TET2: variants seen among roughly 807,000 people sequenced by gnomAD.
The protein encoded by TET2 is methylcytosine dioxygenase TET2.
TET2 carries 299 observed loss-of-function variants against 142.9 expected under a neutral mutation model. The observed-to-expected ratio is 2.09, with a 90% CI of 1.90 to 2.30. TET2 has a LOEUF of 2.30. Among genes scored for constraint, TET2 ranks in the 30% most tolerant of loss-of-function variants. The pLI is 0.00. For missense variants in TET2, 2,418 were observed against 2,378.0 expected, an observed-to-expected ratio of 1.02 and a Z score of -0.35; for synonymous variants, 819 against 849.0, an observed-to-expected ratio of 0.96 and a Z score of 0.61.
intron 6 of TET2, among the ~76,000 whole-genome samples, chr4:105,256,632 T>A (rs1157847141): frequency 6.6e-6 from 1 of 152,218 alleles, no homozygotes; most frequent in African/African-American, 2.4e-5. Flanking sequence ...AGATTGATGT[T>A]GTTCATCAAA....
At position 105,278,696 on chromosome 4, in the gene TET2, G is replaced by C. The variant is rs181411622; in HGVS notation, c.*2177G>C. ...TATTGTAAAGAAAAGCATTTTAAAAGTTTGAGGAATCTTTTGACTGTTTCA... is the reference window on the plus strand; with the variant it reads ...TATTGTAAAGAAAAGCATTTTAAAACTTTGAGGAATCTTTTGACTGTTTCA... On this transcript the variant is annotated 3_prime_UTR_variant, in exon 11 of 11. Coordinates refer to ENST00000380013, the MANE Select transcript of TET2 (RefSeq NM_001127208.3). 2.7e-4 allele frequency: 62 copies of C among 232,576 alleles called. 2 individuals carry two copies. In the East Asian group the frequency reaches 3.2e-3, roughly 12 times the overall value. 14.4% of individuals were successfully genotyped at this position (232,576 alleles called of 1,614,324 possible).
chr4:105,269,709 C>G lies in TET2; in HGVS notation c.4144C>G (p.His1382Asp), dbSNP rs1446837215. Residue 1382 changes from histidine to aspartate, a missense_variant, in exon 9 of 11, where the codon CAC becomes GAC. Physicochemically the swap from His to Asp is moderately conservative, Grantham distance 81. Transcript: ENST00000380013. ...TACLDFCAHAHRDLHNMQNGS... is the reference protein window; with the variant it reads ...TACLDFCAHADRDLHNMQNGS... The stretch of plus-strand genomic sequence containing the variant: ...ATGTTTGGACTTCTGTGCTCATGCC[C>G]ACAGAGACTTGCACAACATGCAGAA... The G allele has an allele frequency of 6.4e-7, 1 of 1,551,598 alleles. No individual in the cohort carries two copies. Among genetic ancestry groups the G allele is most frequent in the Non-Finnish European group, 8.7e-7 (1 of 1,146,930 alleles).
In TET2 at chr4:105,275,171, C is replaced by CA. The variant is rs1292189982; in HGVS notation, c.4662dup (p.Glu1555ArgfsTer23). ...CAGCAGCAGCCACATCACCCTCAGA[C>CA]AGAGTCTGTCAACTCTTATTCTGCT... On this transcript the variant is annotated frameshift_variant, in exon 11 of 11. Coordinates refer to ENST00000380013, the MANE Select transcript of TET2 (RefSeq NM_001127208.3). LOFTEE classifies it low-confidence loss of function (END_TRUNC). 4 of 1,552,128 alleles carry CA rather than the reference C, an allele frequency of 2.6e-6. No homozygotes were observed. The highest frequency in any genetic ancestry group is 2.6e-6 in the Non-Finnish European group (3 of 1,147,102).
intron 2 of TET2, among the ~76,000 whole-genome samples, chr4:105,204,268 CATACAT>C (rs140449169): frequency 0.028 from 3,475 of 124,534 alleles, 103 homozygotes; most frequent in African/African-American, 0.086. Context: ...CACACACACA[CATACAT>C]ACATACATTA....
At chr4:105,215,190 G>A (rs1727420959) in intron 2 of TET2, among the ~76,000 whole-genome samples, 1 of 152,050 alleles carries the variant, frequency 6.6e-6, no homozygotes, top group Admixed American at 6.6e-5. Context: ...ATTTTGGAGA[G>A]GTTTTTTCCT....
chr4:105,258,403 T>C (rs1730250016), intron 6 of TET2, among the ~76,000 whole-genome samples: 1 of 152,140 alleles, frequency 6.6e-6, no homozygotes, highest in African/African-American at 2.4e-5. Context: ...TTTAATATAG[T>C]TTGTAAGAAT....
At chr4:105,237,900 A>C (rs1015942075) in intron 3 of TET2, 79 of 1,037,616 alleles carry the variant, frequency 7.6e-5, no homozygotes, top group Non-Finnish European at 9.0e-5. Flanking sequence ...CCATTTATAC[A>C]TTTGGAATGT....
At chr4:105,202,501 T>G (rs1726545878) in intron 2 of TET2, 1 of 152,174 alleles carries the variant, frequency 6.6e-6, no homozygotes, top group Non-Finnish European at 1.5e-5. Context: ...CGCAAATTTA[T>G]TTTTTGATCT....
chr4:105,217,055 G>T, intron 2 of TET2, among the ~76,000 whole-genome samples: 1 of 151,670 alleles, frequency 6.6e-6, no homozygotes, highest in African/African-American at 2.4e-5. Context: ...TTCTTTCTTT[G>T]TTCTTGCCCC....
Position 105,269,746 on chromosome 4 carries a change from T to A in TET2, c.4181T>A (p.Leu1394Ter), listed in dbSNP as rs2110301162. ...CACAACATGCAGAATGGCAGCACAT[T>A]GGTAAGTTGGGCTGAGGACAGCTTA... ...DLHNMQNGST[L>*]VCTLTREDNR... The change falls in exon 9 of 11, where the codon TTG becomes TAG. Residue 1394 changes from leucine (L) to a stop codon, truncating the protein, a stop_gained and splice_region_variant. Coordinates refer to ENST00000380013, the MANE Select transcript of TET2 (RefSeq NM_001127208.3). LOFTEE classifies it high-confidence loss of function. 6.4e-7 allele frequency: 1 copy of A among 1,551,504 alleles called. No homozygotes were observed. The highest frequency in any genetic ancestry group is 8.7e-7 in the Non-Finnish European group (1 of 1,146,888).
chr4:105,221,529 CTG>C (rs1727817858), intron 2 of TET2, among the ~76,000 whole-genome samples: 5 of 152,030 alleles, frequency 3.3e-5, no homozygotes, highest in Non-Finnish European at 7.4e-5. Flanking sequence ...ATAGGCCCTA[CTG>C]AGGATTATGA....
Position 105,236,520 on chromosome 4 carries a change from C to T in TET2, c.2578C>T (p.Gln860Ter). The T allele has an allele frequency of 6.2e-7, 1 of 1,614,054 alleles. No homozygotes were observed. The highest frequency in any genetic ancestry group is 8.5e-7 in the Non-Finnish European group (1 of 1,180,002). ...HPELFAGNKT[Q>*]NLHHMQYFPN... ...TGAACTTTTTGCAGGAAACAAGACC[C>T]AAAACTTGCATCACATGCAATATTT... The change falls in exon 3 of 11, where the codon CAA (glutamine) becomes TAA (stop). Residue 860 changes from glutamine to a stop codon, truncating the protein, a stop_gained. Coordinates refer to ENST00000380013, the MANE Select transcript of TET2 (RefSeq NM_001127208.3). LOFTEE classifies it high-confidence loss of function.
intron 1 of TET2, among the ~76,000 whole-genome samples, chr4:105,184,988 A>G (rs1377094535): frequency 2.0e-5 from 3 of 152,238 alleles, no homozygotes; most frequent in African/African-American, 7.2e-5. Flanking sequence ...GACTAAATTC[A>G]GCATGATAAA....
intron 8 of TET2, among the ~76,000 whole-genome samples, chr4:105,266,243 G>C (rs936367913): frequency 5.9e-5 from 9 of 152,052 alleles, no homozygotes; most frequent in African/African-American, 2.2e-4. Context: ...CTTGGTAGTA[G>C]AAGTAAATTT....
chr4:105,256,315 C>A (rs550861822), intron 6 of TET2, among the ~76,000 whole-genome samples: 14 of 152,164 alleles, frequency 9.2e-5, no homozygotes, highest in Admixed American at 4.6e-4. Context: ...AAACAATAAA[C>A]TCTTATTTAT....
chr4:105,190,244 C>G (rs10026237), intron 1 of TET2, 116 bp from the exon 2 acceptor site: 14,515 of 468,746 alleles, frequency 0.031, 922 homozygotes, highest in African/African-American at 0.17. Flanking sequence ...AACAGCCACA[C>G]TGTAATGGAA....
chr4:105,253,330 C>T (rs1729963908), intron 6 of TET2, among the ~76,000 whole-genome samples: 1 of 152,078 alleles, frequency 6.6e-6, no homozygotes, highest in African/African-American at 2.4e-5. Context: ...TGGAACATCT[C>T]TTTCTTGGAT....
intron 6 of TET2, among the ~76,000 whole-genome samples, chr4:105,253,630 T>C (rs1309368509): frequency 6.6e-6 from 1 of 151,970 alleles, no homozygotes; most frequent in Non-Finnish European, 1.5e-5. Flanking sequence ...TCTGTATACC[T>C]TTTATTTTCT....
intron 1 of TET2, among the ~76,000 whole-genome samples, chr4:105,181,471 A>G (rs1725117717): frequency 6.6e-6 from 1 of 152,230 alleles, no homozygotes; most frequent in Non-Finnish European, 1.5e-5. Context: ...AGAGGTTGCT[A>G]AGCGACTTTA....
Sources: allele counts gnomAD v4.1 joint callset (sites outside exome capture counted in the v4.1 genomes callset), GRCh38; gene constraint gnomAD v4.1.1; transcripts MANE v1.5; gene names NCBI Gene and HGNC (gene_info 2026-07-23, HGNC 2026-07-21).